The following SH3GL2 variants were observed in gnomAD, a reference collection of about 807,000 sequenced individuals.
SH3GL2 encodes endophilin-A1.
Under a neutral mutation model 46.0 loss-of-function variants are expected in SH3GL2, and 24 were observed. That is an observed-to-expected ratio of 0.52 (90% CI 0.38 to 0.73). The LOEUF (loss-of-function observed/expected upper bound fraction) is 0.73, where lower values mean the gene tolerates loss of function less well. Ranked by LOEUF, SH3GL2 falls within the 30% of genes least tolerant of loss-of-function variation. SH3GL2 has a pLI of 0.00. For synonymous variants in SH3GL2, 196 were observed against 147.1 expected, an observed-to-expected ratio of 1.33 and a Z score of -2.40; for missense variants, 413 against 424.2, an observed-to-expected ratio of 0.97 and a Z score of 0.23.
intron 1 of SH3GL2, among the ~76,000 whole-genome samples, chr9:17,630,644 C>A (rs1159267810): frequency 6.6e-6 from 1 of 152,194 alleles, no homozygotes; most frequent in Non-Finnish European, 1.5e-5. Context: ...GGTTACATAA[C>A]ACCAGTGGGA....
intron 1 of SH3GL2, among the ~76,000 whole-genome samples, chr9:17,618,257 A>G (rs576956846): frequency 5.4e-4 from 82 of 151,894 alleles, no homozygotes; most frequent in Non-Finnish European, 9.4e-4. Context: ...CCTGCAATGC[A>G]CAGGACAAAA....
At chr9:17,676,646 A>G (rs1464611412) in intron 1 of SH3GL2, among the ~76,000 whole-genome samples, 1 of 152,178 alleles carries the variant, frequency 6.6e-6, no homozygotes, top group Non-Finnish European at 1.5e-5. Context: ...AAATATTGTT[A>G]CATATTCTTC....
At chr9:17,605,168 G>A (rs968133194) in intron 1 of SH3GL2, among the ~76,000 whole-genome samples, 1 of 151,852 alleles carries the variant, frequency 6.6e-6, no homozygotes, top group African/African-American at 2.4e-5. Context: ...TTGTAGAGAT[G>A]GGGTCTTTCT....
intron 3 of SH3GL2, among the ~76,000 whole-genome samples, chr9:17,778,221 A>G (rs1251237431): frequency 6.6e-6 from 1 of 152,168 alleles, no homozygotes; most frequent in Non-Finnish European, 1.5e-5. Flanking sequence ...CTGTAGATGA[A>G]GAAATCCATT....
At chr9:17,795,459 G>C in intron 8 of SH3GL2, 85 bp from the exon 9 acceptor site, 3 of 1,032,132 alleles carry the variant, frequency 2.9e-6, no homozygotes, top group South Asian at 1.5e-5. Context: ...AGCAAGCCAG[G>C]TGGGTACAGC....
intron 1 of SH3GL2, among the ~76,000 whole-genome samples, chr9:17,702,977 G>A (rs543737800): frequency 6.6e-6 from 1 of 152,146 alleles, no homozygotes; most frequent in South Asian, 2.1e-4. Context: ...TGACCTGAAA[G>A]AAGCCCATTA....
In SH3GL2 at chr9:17,641,773, T is replaced by C. The variant is rs762689673; in HGVS notation, c.45+62486T>C. On this transcript the variant is annotated intron_variant, in intron 1 of 8. Coordinates refer to ENST00000380607, the MANE Select transcript of SH3GL2 (RefSeq NM_003026.5). ...TGTCCCTGCAAAGGATATGAACTTATCCTTTTTTGTGGCTGCATAGTATTG... is the reference window on the plus strand; with the variant it reads ...TGTCCCTGCAAAGGATATGAACTTACCCTTTTTTGTGGCTGCATAGTATTG... Among the ~76,000 whole-genome samples the C allele has an allele frequency of 7.9e-5, 12 of 152,198 alleles. No individual in the cohort carries two copies. The South Asian group carries it at 1.0e-3, about 13-fold the overall frequency.
intron 1 of SH3GL2, among the ~76,000 whole-genome samples, chr9:17,687,650 T>A (rs568635457): frequency 1.1e-4 from 16 of 152,126 alleles, no homozygotes; most frequent in South Asian, 6.2e-4. Flanking sequence ...GAACTGAAAA[T>A]CATGTTCCCT....
intron 1 of SH3GL2, among the ~76,000 whole-genome samples, chr9:17,666,526 C>CT (rs1354917825): frequency 6.7e-6 from 1 of 149,180 alleles, no homozygotes; most frequent in African/African-American, 2.5e-5. Context: ...TTTTCCCACT[C>CT]TTTCATACAC....
At chr9:17,637,931 C>T (rs7871841) in intron 1 of SH3GL2, among the ~76,000 whole-genome samples, 2,032 of 152,028 alleles carry the variant, frequency 0.013, 41 homozygotes, top group African/African-American at 0.046. Flanking sequence ...CCGAGGCGGG[C>T]GGATCACGAG....
At chr9:17,734,919 C>T (rs1822285916) in intron 1 of SH3GL2, among the ~76,000 whole-genome samples, 1 of 152,052 alleles carries the variant, frequency 6.6e-6, no homozygotes, top group South Asian at 2.1e-4. Flanking sequence ...CTAAAAATCA[C>T]TGGATTGTGT....
chr9:17,636,363 C>G (rs903335260), intron 1 of SH3GL2, among the ~76,000 whole-genome samples: 1 of 152,130 alleles, frequency 6.6e-6, no homozygotes, highest in Non-Finnish European at 1.5e-5. Flanking sequence ...ACATTTATCC[C>G]ACACCCAAAA....
At chr9:17,731,453 CAGACAG>C (rs1039957677) in intron 1 of SH3GL2, among the ~76,000 whole-genome samples, 1 of 150,066 alleles carries the variant, frequency 6.7e-6, no homozygotes, top group South Asian at 2.1e-4. Flanking sequence ...GAGAGAGAGA[CAGACAG>C]AGAGAGAGAG....
At chr9:17,649,434 C>T (rs968650705) in intron 1 of SH3GL2, among the ~76,000 whole-genome samples, 3 of 152,096 alleles carry the variant, frequency 2.0e-5, no homozygotes, top group African/African-American at 4.8e-5. Context: ...CATTAGCTTA[C>T]AAATACTACA....
chr9:17,788,322 TA>T (rs1459910655), intron 5 of SH3GL2, among the ~76,000 whole-genome samples: 2 of 152,226 alleles, frequency 1.3e-5, no homozygotes, highest in East Asian at 1.9e-4. Context: ...CTCAAATGTT[TA>T]AAAAAGAAAG....
intron 1 of SH3GL2, among the ~76,000 whole-genome samples, chr9:17,675,707 G>A (rs910007943): frequency 1.3e-5 from 2 of 152,252 alleles, no homozygotes; most frequent in African/African-American, 4.8e-5. Context: ...AGCACTCTGA[G>A]AGGCCGAGGC....
intron 1 of SH3GL2, among the ~76,000 whole-genome samples, chr9:17,725,102 A>AGT (rs1264126004): frequency 1.3e-5 from 2 of 152,116 alleles, no homozygotes; most frequent in African/African-American, 2.4e-5. Flanking sequence ...CCTTCCTAGG[A>AGT]GTCACCCCTG....
chr9:17,687,777 G>A lies in SH3GL2; in HGVS notation c.46-59289G>A, dbSNP rs188806379. On this transcript the variant is annotated intron_variant, in intron 1 of 8. Transcript: ENST00000380607. Reference sequence around the variant, plus strand: ...ATAATCATACTTGTTAAACCAGAGAGAAACAATGATGGATGTGAATCTCAA... The same window carrying A: ...ATAATCATACTTGTTAAACCAGAGAAAAACAATGATGGATGTGAATCTCAA... 2.6e-4 allele frequency among the ~76,000 whole-genome samples: 40 copies of A among 152,158 alleles called. 1 individual carries two copies. The East Asian group carries it at 2.7e-3, about 10-fold the overall frequency.
intron 1 of SH3GL2, among the ~76,000 whole-genome samples, chr9:17,618,601 G>A (rs1007753052): frequency 6.6e-6 from 1 of 152,186 alleles, no homozygotes; most frequent in African/African-American, 2.4e-5. Flanking sequence ...CTGGTTTTGT[G>A]TGAATGTTAA....
Sources: allele counts gnomAD v4.1 joint callset (sites outside exome capture counted in the v4.1 genomes callset), GRCh38; gene constraint gnomAD v4.1.1; transcripts MANE v1.5; gene names NCBI Gene and HGNC (gene_info 2026-07-23, HGNC 2026-07-21).